Variants in ERC2 observed in about 807,000 individuals in gnomAD.
The protein encoded by ERC2 is ELKS/RAB6-interacting/CAST family member 2.
ERC2 carries 42 observed loss-of-function variants against 114.8 expected under a neutral mutation model. That is an observed-to-expected ratio of 0.37 (90% CI 0.29 to 0.47). The LOEUF is 0.47. Among genes scored for constraint, ERC2 ranks in the 20% least tolerant of loss-of-function variants. The pLI, the probability that ERC2 is intolerant of heterozygous loss-of-function variation, is 0.99. For missense variants in ERC2, 939 were observed against 1,150.7 expected, an observed-to-expected ratio of 0.82 and a Z score of 2.66; for synonymous variants, 454 against 425.5, an observed-to-expected ratio of 1.07 and a Z score of -0.82.
chr3:55,578,850 A>G (rs1254707050), intron 17 of ERC2, among the ~76,000 whole-genome samples: 7 of 152,078 alleles, frequency 4.6e-5, no homozygotes, highest in Admixed American at 2.6e-4. Flanking sequence ...GGCTGGGACA[A>G]CTGGGCTCTC....
At chr3:56,158,291 C>G (rs756017754) in intron 4 of ERC2, among the ~76,000 whole-genome samples, 1 of 152,012 alleles carries the variant, frequency 6.6e-6, no homozygotes, top group Non-Finnish European at 1.5e-5. Context: ...CATTTATTAT[C>G]CCATAGACCT....
rs1285257457 is a variant in ERC2, at chr3:55,720,239, T to TTCTC, written c.2712+14528_2712+14531dup. Among the ~76,000 whole-genome samples the TTCTC allele has an allele frequency of 1.9e-3, 23 of 12,056 alleles. 8 individuals are homozygous for TTCTC. Among genetic ancestry groups the TTCTC allele is most frequent in the African/African-American group, 3.8e-3 (5 of 1,320 alleles). 7.9% of individuals were successfully genotyped at this position (12,056 alleles called of 152,430 possible). A position where few individuals can be genotyped will look rare whatever the true frequency, so the allele number is the denominator to read the frequency against. On this transcript the variant is annotated intron_variant, in intron 15 of 17. Coordinates refer to ENST00000288221, the MANE Select transcript of ERC2 (RefSeq NM_015576.3). ...CTTCTTCTTCTTCTTCTTCTTCTTC[T>TTCTC]TCTCTCTCTCTCTCTCTCTCTCTGT... is the stretch of plus-strand genomic sequence containing the variant.
chr3:55,741,297 C>CT (rs57903810), intron 14 of ERC2, among the ~76,000 whole-genome samples: 2,643 of 149,378 alleles, frequency 0.018, 76 homozygotes, highest in African/African-American at 0.062. Flanking sequence ...AATATCCTTG[C>CT]TTTTTTTTTT....
At position 56,388,314 on chromosome 3, in the gene ERC2, G is replaced by A. The variant is rs190147461; in HGVS notation, c.657+46037C>T. On this transcript the variant is annotated intron_variant, in intron 2 of 17. Coordinates refer to ENST00000288221, the MANE Select transcript of ERC2 (RefSeq NM_015576.3). Reference sequence around the variant, plus strand: ...GAATGAGTTCTCACTCTGTGAGTTCGTGCTAGATCTGGTTGTTTAAAATAA... The same window carrying A: ...GAATGAGTTCTCACTCTGTGAGTTCATGCTAGATCTGGTTGTTTAAAATAA... 1.7e-3 allele frequency among the ~76,000 whole-genome samples: 255 copies of A among 152,118 alleles called. 5 individuals are homozygous for A. The highest frequency in any genetic ancestry group is 5.3e-4 in the African/African-American group (22 of 41,514).
intron 17 of ERC2, among the ~76,000 whole-genome samples, chr3:55,643,680 G>A (rs763572620): frequency 9.9e-5 from 15 of 152,136 alleles, no homozygotes; most frequent in Non-Finnish European, 2.1e-4. Flanking sequence ...GAAAACTTTA[G>A]CTATTATTAT....
intron 13 of ERC2, among the ~76,000 whole-genome samples, chr3:55,916,899 C>G (rs1576181766): frequency 6.6e-6 from 1 of 152,086 alleles, no homozygotes; most frequent in African/African-American, 2.4e-5. Flanking sequence ...GGTGGGCACT[C>G]AATAAATATA....
chr3:55,941,585 G>C (rs981781230), intron 13 of ERC2, among the ~76,000 whole-genome samples: 2 of 152,134 alleles, frequency 1.3e-5, no homozygotes, highest in Admixed American at 1.3e-4. Context: ...GTTCATCTCA[G>C]AGTCTCAATT....
intron 17 of ERC2, among the ~76,000 whole-genome samples, chr3:55,538,930 C>T (rs1456740337): frequency 3.3e-5 from 5 of 152,006 alleles, no homozygotes; most frequent in African/African-American, 9.7e-5. Context: ...ATGAAGCCAA[C>T]GGAGAGTTTT....
At chr3:56,049,209 G>T (rs1379709446) in intron 7 of ERC2, among the ~76,000 whole-genome samples, 2 of 152,170 alleles carry the variant, frequency 1.3e-5, no homozygotes, top group Non-Finnish European at 2.9e-5. Flanking sequence ...ACAAAGATGA[G>T]GCTGGCTGCT....
At chr3:56,206,170 C>T (rs977239067) in intron 3 of ERC2, among the ~76,000 whole-genome samples, 1 of 135,464 alleles carries the variant, frequency 7.4e-6, no homozygotes, top group African/African-American at 2.7e-5. Flanking sequence ...CAAAATCACA[C>T]AGCCAGAAAA....
chr3:55,928,765 C>T (rs761051178), intron 13 of ERC2, among the ~76,000 whole-genome samples: 2 of 152,140 alleles, frequency 1.3e-5, no homozygotes, highest in African/African-American at 4.8e-5. Flanking sequence ...GTCTTTTCTA[C>T]ATTTTGATTT....
At chr3:55,761,899 G>T (rs2067465258) in intron 14 of ERC2, among the ~76,000 whole-genome samples, 1 of 148,346 alleles carries the variant, frequency 6.7e-6, no homozygotes, top group African/African-American at 2.5e-5. Flanking sequence ...AAAAAAGTAT[G>T]TGGCTTTCTT....
At chr3:55,799,416 A>G (rs1353072770) in intron 14 of ERC2, among the ~76,000 whole-genome samples, 1 of 136,452 alleles carries the variant, frequency 7.3e-6, no homozygotes, top group African/African-American at 3.2e-5. Context: ...TATGCCTTAT[A>G]TATATGCATA....
chr3:55,539,079 T>G (rs999365294), intron 17 of ERC2, among the ~76,000 whole-genome samples: 1 of 152,056 alleles, frequency 6.6e-6, no homozygotes, highest in African/African-American at 2.4e-5. Flanking sequence ...GCTGAGAAAA[T>G]ACAAACAGAA....
intron 17 of ERC2, among the ~76,000 whole-genome samples, chr3:55,530,396 G>A (rs951181336): frequency 2.6e-5 from 4 of 152,160 alleles, no homozygotes; most frequent in African/African-American, 9.7e-5. Flanking sequence ...ACAAAAACAG[G>A]AGGCAGGCTG....
chr3:55,999,853 T>C (rs2071893845), intron 10 of ERC2, among the ~76,000 whole-genome samples: 1 of 151,660 alleles, frequency 6.6e-6, no homozygotes, highest in Non-Finnish European at 1.5e-5. Flanking sequence ...CAATTTTGTG[T>C]TTTAATTGAC....
At chr3:55,764,161 G>A (rs2067623918) in intron 14 of ERC2, among the ~76,000 whole-genome samples, 2 of 152,156 alleles carry the variant, frequency 1.3e-5, no homozygotes, top group South Asian at 4.1e-4. Flanking sequence ...CAAGAGTTCT[G>A]CAGTGCTCTC....
intron 12 of ERC2, among the ~76,000 whole-genome samples, chr3:55,963,398 TAAA>T (rs1349208939): frequency 1.3e-5 from 2 of 152,090 alleles, no homozygotes; most frequent in African/African-American, 2.4e-5. Context: ...TAAGTGAAGA[TAAA>T]AACAGAAGCT....
At chr3:55,750,108 T>G (rs541875886) in intron 14 of ERC2, among the ~76,000 whole-genome samples, 31 of 152,262 alleles carry the variant, frequency 2.0e-4, no homozygotes, top group African/African-American at 7.5e-4. Flanking sequence ...ATGCTACGTG[T>G]TATGAAGGAT....
Sources: allele counts gnomAD v4.1 joint callset (sites outside exome capture counted in the v4.1 genomes callset), GRCh38; gene constraint gnomAD v4.1.1; transcripts MANE v1.5; gene names NCBI Gene and HGNC (gene_info 2026-07-23, HGNC 2026-07-21).